The following MYO18B variants were observed in gnomAD, a reference collection of about 807,000 sequenced individuals.
The protein encoded by MYO18B is myosin XVIIIB, also known as unconventional myosin-XVIIIb.
MYO18B carries 204 observed loss-of-function variants against 273.0 expected under a neutral mutation model. The observed-to-expected ratio is 0.75, with a 90% CI of 0.67 to 0.84. The LOEUF (loss-of-function observed/expected upper bound fraction) is 0.84. MYO18B is among the 40% of genes least tolerant of loss of function. The pLI, the probability that MYO18B is intolerant of heterozygous loss-of-function variation, is 0.00. For missense variants in MYO18B, 3,212 were observed against 3,287.6 expected (o/e 0.98, Z 0.56); for synonymous variants, 1,330 against 1,305.7 (o/e 1.02, Z -0.40).
At chr22:25,846,368 A>C in intron 19 of MYO18B, 85 bp downstream of exon 19, 1 of 1,447,664 alleles carries the variant, frequency 6.9e-7, no homozygotes, top group South Asian at 1.3e-5. Context: ...TGCCTACATC[A>C]TCTCTAACCT....
At chr22:25,921,702 TTGTGTGTGTGTGTGTGTGTGTG>T (rs3070571) in intron 34 of MYO18B, among the ~76,000 whole-genome samples, 22 of 145,590 alleles carry the variant, frequency 1.5e-4, no homozygotes, top group Non-Finnish European at 2.6e-4. Flanking sequence ...AGTGTGCCTG[TTGTGTGTGTGTGTGTGTGTGTG>T]TGTGTGTGTG....
intron 22 of MYO18B, among the ~76,000 whole-genome samples, chr22:25,870,325 C>T (rs1298074512): frequency 6.6e-6 from 1 of 152,192 alleles, no homozygotes; most frequent in Non-Finnish European, 1.5e-5. Context: ...CTACCACGCA[C>T]CTGGGTTAGA....
intron 28 of MYO18B, chr22:25,897,529 A>T (rs779564762): frequency 5.9e-5 from 9 of 152,220 alleles, no homozygotes; most frequent in Non-Finnish European, 1.3e-4. Context: ...AGTTTCCCTG[A>T]TGAAGGGGGA....
intron 41 of MYO18B, 110 bp downstream of exon 41, chr22:26,003,419 G>A (rs1934156693): frequency 1.1e-6 from 1 of 933,864 alleles, no homozygotes; most frequent in Non-Finnish European, 1.7e-6. Context: ...TATCAGTGAT[G>A]CCCATGAGAC....
At chr22:25,780,639 A>G (rs563185804) in intron 9 of MYO18B, among the ~76,000 whole-genome samples, 33 of 148,258 alleles carry the variant, frequency 2.2e-4, no homozygotes, top group South Asian at 1.3e-3. Context: ...AAGAAAGAAA[A>G]TAGTAATAAT....
At chr22:25,746,938 G>A (rs1011084100) in intron 1 of MYO18B, among the ~76,000 whole-genome samples, 8 of 152,218 alleles carry the variant, frequency 5.3e-5, no homozygotes, top group Admixed American at 4.6e-4. Flanking sequence ...TGGCTAACAC[G>A]GTGAAACCCC....
chr22:26,052,048 T>C, the MYO18B span, among the ~76,000 whole-genome samples: 4 of 152,228 alleles, frequency 2.6e-5, no homozygotes, highest in African/African-American at 4.8e-5. Context: ...TATGCATCTT[T>C]GGATATATGT....
Position 25,898,473 on chromosome 22 carries a change from C to G in MYO18B, c.4823+12C>G, listed in dbSNP as rs1302483050. The G allele has an allele frequency of 1.9e-6, 3 of 1,612,246 alleles. No homozygotes were observed. Among genetic ancestry groups the G allele is most frequent in the Non-Finnish European group, 8.5e-7 (1 of 1,179,116 alleles). Reference sequence around the variant, plus strand: ...AAGAAGCAGAAGAAGTGAGTTGCATCTCTCACCATCACCTGGGCTGCCAGG... The same window carrying G: ...AAGAAGCAGAAGAAGTGAGTTGCATGTCTCACCATCACCTGGGCTGCCAGG... On this transcript the variant is annotated intron_variant, in intron 29 of 43. Transcript: ENST00000335473.
Position 25,763,293 on chromosome 22 carries a change from A to T in MYO18B, c.102A>T (p.Pro34=). 6.2e-7 allele frequency: 1 copy of T among 1,613,002 alleles called. No individual in the cohort carries two copies. The highest frequency in any genetic ancestry group is 8.5e-7 in the Non-Finnish European group (1 of 1,179,598). The change falls in exon 3 of 44, where the codon CCA becomes CCT. Residue 34 remains proline (P), a synonymous_variant. Transcript: ENST00000335473. ...CCCCTCCTCTTTTCTCTGTCATCCC[A>T]GGGGGCTTCATTAAGCAACTGGTCC... ...SSPPPLFSVI[P]GGFIKQLVRG...
chr22:25,867,746 C>A lies in MYO18B; in HGVS notation c.3886-574C>A, dbSNP rs1024683994. 3.9e-5 allele frequency among the ~76,000 whole-genome samples: 6 copies of A among 152,152 alleles called. No homozygotes were observed. The South Asian group carries it at 1.2e-3, about 31-fold the overall frequency. On this transcript the variant is annotated intron_variant, in intron 21 of 43. Coordinates refer to ENST00000335473, the MANE Select transcript of MYO18B (RefSeq NM_032608.7). Reference sequence around the variant, plus strand: ...CCAGGTTCATGCCATTCTCCTGCCTCAGCCTCCCGAGTAGCTGGGACTACA... The same window carrying A: ...CCAGGTTCATGCCATTCTCCTGCCTAAGCCTCCCGAGTAGCTGGGACTACA...
intron 17 of MYO18B, among the ~76,000 whole-genome samples, chr22:25,842,508 A>G (rs1194058120): frequency 6.6e-6 from 1 of 151,910 alleles, no homozygotes; most frequent in African/African-American, 2.4e-5. Flanking sequence ...CCCCATCCCT[A>G]CTAAAAATAC....
At chr22:25,899,262 C>T (rs67460880) in intron 29 of MYO18B, 2,023 of 152,322 alleles carry the variant, frequency 0.013, 16 homozygotes, top group East Asian at 0.032. Flanking sequence ...GATGCTTGGA[C>T]GCCTTGGCTG....
chr22:25,813,508 G>A (rs2088859810), intron 12 of MYO18B, among the ~76,000 whole-genome samples: 1 of 152,188 alleles, frequency 6.6e-6, no homozygotes, highest in Non-Finnish European at 1.5e-5. Context: ...CCAAAGTTGA[G>A]GGTGGTCAGC....
At chr22:25,822,742 T>C (rs1224803121) in intron 12 of MYO18B, among the ~76,000 whole-genome samples, 1 of 152,218 alleles carries the variant, frequency 6.6e-6, no homozygotes, top group Non-Finnish European at 1.5e-5. Flanking sequence ...GAAAAAGAAA[T>C]TCTTGGCCTT....
chr22:25,804,232 G>T (rs2088359868), intron 12 of MYO18B, among the ~76,000 whole-genome samples: 1 of 152,048 alleles, frequency 6.6e-6, no homozygotes, highest in Non-Finnish European at 1.5e-5. Context: ...CACCAGAGTG[G>T]CCCTTTTCAC....
chr22:25,772,629 G>A, intron 7 of MYO18B, 119 bp downstream of exon 7: 1 of 1,019,636 alleles, frequency 9.8e-7, no homozygotes, highest in Non-Finnish European at 1.4e-6. Context: ...CTGTCTGCAA[G>A]CAGCATCCTT....
intron 1 of MYO18B, among the ~76,000 whole-genome samples, chr22:25,751,854 T>C (rs1260728506): frequency 6.6e-6 from 1 of 152,074 alleles, no homozygotes; most frequent in African/African-American, 2.4e-5. Flanking sequence ...TGGGCTGGGG[T>C]CTTCAGTCCG....
intron 42 of MYO18B, among the ~76,000 whole-genome samples, chr22:26,011,777 A>G (rs545347564): frequency 3.9e-5 from 6 of 152,374 alleles, no homozygotes; most frequent in Admixed American, 2.0e-4. Context: ...CCATATTGCA[A>G]TGTGAGCATG....
At chr22:25,756,841 A>G (rs997135148) in intron 1 of MYO18B, among the ~76,000 whole-genome samples, 1 of 152,174 alleles carries the variant, frequency 6.6e-6, no homozygotes, top group African/African-American at 2.4e-5. Flanking sequence ...CAGGTGGATC[A>G]CTTTAGGCCA....
Sources: gnomAD v4.1 joint callset for allele counts (sites outside exome capture counted in the v4.1 genomes callset) on GRCh38, gnomAD v4.1.1 for gene constraint, MANE v1.5 for transcripts, NCBI Gene and HGNC (gene_info 2026-07-23, HGNC 2026-07-21) for gene names.